Variants in ASIC2 observed in about 807,000 individuals in gnomAD.
ASIC2 encodes the protein acid sensing ion channel subunit 2.
A neutral mutation model predicts 57.3 loss-of-function variants in ASIC2; 25 were observed. The ratio of observed to expected loss-of-function variants is 0.44; its 90% CI spans 0.32 to 0.61. The LOEUF (loss-of-function observed/expected upper bound fraction) is 0.61, where lower values mean the gene tolerates loss of function less well. Among genes scored for constraint, ASIC2 ranks in the 20% least tolerant of loss-of-function variants. The pLI, the probability that ASIC2 is intolerant of heterozygous loss-of-function variation, is 0.06. For synonymous variants in ASIC2, 319 were observed against 307.5 expected, an observed-to-expected ratio of 1.04 and a Z score of -0.39; for missense variants, 641 against 738.1, an observed-to-expected ratio of 0.87 and a Z score of 1.52.
intron 1 of ASIC2, 186 bp from the exon 2 acceptor site, chr17:33,112,253 T>G (rs2092261521): frequency 5.0e-6 from 4 of 796,746 alleles, no homozygotes; most frequent in Non-Finnish European, 1.9e-6. Context: ...AGTGAAATTT[T>G]GGCATCAAAG....
intron 1 of ASIC2, among the ~76,000 whole-genome samples, chr17:33,646,414 G>A (rs1906741290): frequency 6.6e-6 from 1 of 152,148 alleles, no homozygotes; most frequent in Admixed American, 6.5e-5. Context: ...GAGTGAAGGT[G>A]GGCTTGGAAG....
intron 1 of ASIC2, among the ~76,000 whole-genome samples, chr17:33,239,948 C>T (rs752947594): frequency 1.3e-4 from 20 of 152,202 alleles, no homozygotes; most frequent in Non-Finnish European, 2.9e-4. Context: ...CTTCCCCCCA[C>T]GCTGCTGCAG....
At chr17:33,551,940 G>T (rs957367296) in intron 1 of ASIC2, among the ~76,000 whole-genome samples, 2 of 152,118 alleles carry the variant, frequency 1.3e-5, no homozygotes, top group East Asian at 3.9e-4. Flanking sequence ...CCTGAGGCTG[G>T]GTGTGAGAAA....
chr17:34,050,872 T>C (rs1908529799), intron 1 of ASIC2, among the ~76,000 whole-genome samples: 1 of 152,152 alleles, frequency 6.6e-6, no homozygotes, highest in African/African-American at 2.4e-5. Flanking sequence ...GGGTTTCAGC[T>C]CTAGTACCCA....
chr17:33,709,950 T>A (rs1908976117), intron 1 of ASIC2, among the ~76,000 whole-genome samples: 1 of 152,226 alleles, frequency 6.6e-6, no homozygotes, highest in Admixed American at 6.5e-5. Flanking sequence ...ACGGCAGTAT[T>A]TATACCCCCT....
intron 1 of ASIC2, among the ~76,000 whole-genome samples, chr17:33,370,443 T>C (rs1567838651): frequency 6.6e-6 from 1 of 152,096 alleles, no homozygotes; most frequent in South Asian, 2.1e-4. Flanking sequence ...TAAGGGGAAA[T>C]GTAAATGCAA....
chr17:33,698,591 G>C (rs982712306), intron 1 of ASIC2, among the ~76,000 whole-genome samples: 3 of 152,120 alleles, frequency 2.0e-5, no homozygotes, highest in African/African-American at 7.2e-5. Context: ...CATAAGTTTT[G>C]GTTCCCACTG....
chr17:33,261,494 A>G (rs1333479559), intron 1 of ASIC2, among the ~76,000 whole-genome samples: 1 of 152,184 alleles, frequency 6.6e-6, no homozygotes, highest in African/African-American at 2.4e-5. Flanking sequence ...GAGAAAGTCA[A>G]TTAACTTTTG....
At chr17:33,655,680 C>T (rs1452011464) in intron 1 of ASIC2, among the ~76,000 whole-genome samples, 2 of 152,204 alleles carry the variant, frequency 1.3e-5, no homozygotes. Context: ...CTCTGCAAGG[C>T]TGCACCTCTA....
At chr17:33,443,715 C>T (rs4530183) in intron 1 of ASIC2, among the ~76,000 whole-genome samples, 52,754 of 151,464 alleles carry the variant, frequency 0.35, 9,256 homozygotes, top group Middle Eastern at 0.44. Context: ...CGCGCCCGGC[C>T]GGAGGGTAAG....
chr17:33,592,267 G>A (rs895065046), intron 1 of ASIC2, among the ~76,000 whole-genome samples: 1 of 152,212 alleles, frequency 6.6e-6, no homozygotes, highest in South Asian at 2.1e-4. Context: ...CTGTGTCCCA[G>A]TGCTGGCATT....
intron 1 of ASIC2, among the ~76,000 whole-genome samples, chr17:33,299,170 A>G (rs547036136): frequency 1.4e-4 from 22 of 152,234 alleles, no homozygotes; most frequent in South Asian, 1.0e-3. Flanking sequence ...GAGGCATCAC[A>G]CAACCTGACT....
chr17:33,625,358 G>A (rs1905951921), intron 1 of ASIC2, among the ~76,000 whole-genome samples: 1 of 152,164 alleles, frequency 6.6e-6, no homozygotes, highest in Non-Finnish European at 1.5e-5. Flanking sequence ...CTAACAACCA[G>A]TGAAGAACTA....
chr17:33,202,017 C>CAA (rs55724157), intron 1 of ASIC2, among the ~76,000 whole-genome samples: 6 of 92,282 alleles, frequency 6.5e-5, no homozygotes, highest in South Asian at 3.8e-4. Flanking sequence ...GAGACTGTCT[C>CAA]AAAAAAAAAA....
At chr17:33,994,550 T>C (rs1462855061) in intron 1 of ASIC2, among the ~76,000 whole-genome samples, 1 of 152,178 alleles carries the variant, frequency 6.6e-6, no homozygotes, top group Non-Finnish European at 1.5e-5. Flanking sequence ...GTTTTTTATT[T>C]CTCCTTAAAT....
In ASIC2 at chr17:33,840,799, C is replaced by CCACACACACACACA. The variant is rs10525634; in HGVS notation, c.555+315165_555+315178dup. Among the ~76,000 whole-genome samples the CCACACACACACACA allele has an allele frequency of 3.9e-3, 571 of 147,562 alleles. 2 individuals are homozygous for CCACACACACACACA. The highest frequency in any genetic ancestry group is 0.014 in the Middle Eastern group (4 of 282). On this transcript the variant is annotated intron_variant, in intron 1 of 9. Transcript: ENST00000359872. ...TTATTCCTTTAGGTACCTGGACACACCACACACACACACACACACACACAC... is the reference window on the plus strand; with the variant it reads ...TTATTCCTTTAGGTACCTGGACACACCACACACACACACACACACACACACACACACACACACAC...
intron 1 of ASIC2, among the ~76,000 whole-genome samples, chr17:33,988,950 C>T (rs901605883): frequency 6.6e-6 from 1 of 152,046 alleles, no homozygotes; most frequent in Non-Finnish European, 1.5e-5. Context: ...CCAAATTGTT[C>T]CCTTGCCTGG....
intron 1 of ASIC2, among the ~76,000 whole-genome samples, chr17:33,496,847 A>G (rs943586583): frequency 6.6e-6 from 1 of 151,980 alleles, no homozygotes; most frequent in Non-Finnish European, 1.5e-5. Flanking sequence ...CAAACTCCTG[A>G]CCTCAAGTGA....
chr17:34,102,004 T>C (rs1227617285), intron 1 of ASIC2, among the ~76,000 whole-genome samples: 1 of 152,098 alleles, frequency 6.6e-6, no homozygotes, highest in African/African-American at 2.4e-5. Flanking sequence ...ACAATAACTG[T>C]ATGCTTAAAA....
Sources: allele counts gnomAD v4.1 joint callset (sites outside exome capture counted in the v4.1 genomes callset), GRCh38; gene constraint gnomAD v4.1.1; transcripts MANE v1.5; gene names NCBI Gene and HGNC (gene_info 2026-07-23, HGNC 2026-07-21).